The following SEMA3A variants were observed in gnomAD, a reference collection of about 807,000 sequenced individuals.
The protein encoded by SEMA3A is semaphorin 3A, also known as semaphorin-3A.
SEMA3A carries 29 observed loss-of-function variants against 97.9 expected under a neutral mutation model. That is an observed-to-expected ratio of 0.30 (90% CI 0.22 to 0.40). The LOEUF is 0.40. Ranked by LOEUF, SEMA3A falls within the 10% of genes least tolerant of loss-of-function variation. The pLI is 1.00. For missense variants in SEMA3A, 763 were observed against 951.3 expected, an observed-to-expected ratio of 0.80 and a Z score of 2.60; for synonymous variants, 321 against 323.7, an observed-to-expected ratio of 0.99 and a Z score of 0.09.
intron 3 of SEMA3A, among the ~76,000 whole-genome samples, chr7:84,260,849 C>A (rs1345062557): frequency 6.6e-6 from 1 of 152,158 alleles, no homozygotes; most frequent in South Asian, 2.1e-4. Context: ...CAGAAAGGGG[C>A]GTATCCTTGG....
rs560402131 is a variant in SEMA3A, at chr7:83,981,230, T to C, written c.1652+91A>G. 1.3e-4 allele frequency: 181 copies of C among 1,396,750 alleles called. No individual in the cohort carries two copies. In the African/African-American group the frequency reaches 2.4e-3, roughly 18 times the overall value. 86.5% of individuals were successfully genotyped at this position (1,396,750 alleles called of 1,614,324 possible). A position where few individuals can be genotyped will look rare whatever the true frequency, so the allele number is the denominator to read the frequency against. On this transcript the variant is annotated intron_variant, in intron 14 of 16. Coordinates refer to ENST00000265362, the MANE Select transcript of SEMA3A (RefSeq NM_006080.3). The stretch of plus-strand genomic sequence containing the variant: ...AAATCTTTTTATTCATTAGAAAAAG[T>C]TGATGCACTTATTTGAAGAAAGCTA...
At chr7:84,392,248 T>C (rs1803599879) in intron 1 of SEMA3A, among the ~76,000 whole-genome samples, 1 of 152,148 alleles carries the variant, frequency 6.6e-6, no homozygotes, top group South Asian at 2.1e-4. Flanking sequence ...CTCCCTATTA[T>C]TTCCACCCCA....
chr7:84,050,034 G>T (rs377316385), intron 5 of SEMA3A, among the ~76,000 whole-genome samples: 1 of 151,330 alleles, frequency 6.6e-6, no homozygotes, highest in African/African-American at 2.4e-5. Context: ...TCCCTACAAA[G>T]GACATGAACT....
intron 2 of SEMA3A, among the ~76,000 whole-genome samples, chr7:84,368,045 T>C (rs1301612154): frequency 6.6e-6 from 1 of 151,266 alleles, no homozygotes; most frequent in Non-Finnish European, 1.5e-5. Flanking sequence ...GTAACTTGAG[T>C]ATATAAGTGA....
chr7:83,993,525 T>A (rs1347714990), intron 12 of SEMA3A, among the ~76,000 whole-genome samples: 2 of 150,906 alleles, frequency 1.3e-5, no homozygotes, highest in African/African-American at 2.5e-5. Context: ...TGACAAAATC[T>A]CTCAGCATTT....
chr7:83,989,149 G>A (rs796108885), intron 12 of SEMA3A, among the ~76,000 whole-genome samples: 47 of 152,172 alleles, frequency 3.1e-4, no homozygotes, highest in African/African-American at 1.0e-3. Flanking sequence ...ATGACATAAA[G>A]TTTACAATCG....
At chr7:84,045,496 G>C (rs1236672247) in intron 6 of SEMA3A, among the ~76,000 whole-genome samples, 4 of 151,286 alleles carry the variant, frequency 2.6e-5, no homozygotes, top group African/African-American at 9.7e-5. Flanking sequence ...AAAATTTTTG[G>C]TAAATGTGTA....
At chr7:84,159,952 G>A (rs1475079843) in intron 1 of SEMA3A, among the ~76,000 whole-genome samples, 2 of 152,042 alleles carry the variant, frequency 1.3e-5, no homozygotes, top group African/African-American at 4.8e-5. Flanking sequence ...GTGAACAAGA[G>A]TTACACGATG....
chr7:83,986,969 T>C (rs1459812789), intron 12 of SEMA3A, among the ~76,000 whole-genome samples: 2 of 147,216 alleles, frequency 1.4e-5, no homozygotes, highest in Non-Finnish European at 3.0e-5. Context: ...CTCTCTCTCT[T>C]TCACACACAC....
intron 4 of SEMA3A, among the ~76,000 whole-genome samples, chr7:84,067,679 T>C (rs967298292): frequency 1.8e-4 from 28 of 152,196 alleles, no homozygotes; most frequent in Admixed American, 1.5e-3. Flanking sequence ...AAAATGCTCA[T>C]CATCACTGGT....
intron 1 of SEMA3A, among the ~76,000 whole-genome samples, chr7:84,430,253 T>C (rs994987194): frequency 2.0e-5 from 3 of 151,372 alleles, no homozygotes; most frequent in Non-Finnish European, 3.0e-5. Context: ...CCTTTAGTTA[T>C]TGAGAGAATA....
intron 1 of SEMA3A, among the ~76,000 whole-genome samples, chr7:84,483,860 A>C (rs1413905309): frequency 6.6e-6 from 1 of 152,008 alleles, no homozygotes; most frequent in African/African-American, 2.4e-5. Context: ...CCTGGATAAC[A>C]TGGTGAAACT....
intron 1 of SEMA3A, among the ~76,000 whole-genome samples, chr7:84,395,568 G>A (rs1035713490): frequency 5.3e-5 from 8 of 151,258 alleles, no homozygotes; most frequent in Admixed American, 6.6e-5. Flanking sequence ...TCAAGGGGGG[G>A]ACCAGGTGGA....
At chr7:84,028,686 C>T (rs953266287) in intron 6 of SEMA3A, among the ~76,000 whole-genome samples, 5 of 152,294 alleles carry the variant, frequency 3.3e-5, no homozygotes, top group Admixed American at 3.3e-4. Context: ...CTGACTGAAA[C>T]CTCTGCCACC....
chr7:84,028,695 C>T (rs1181101159), intron 6 of SEMA3A, among the ~76,000 whole-genome samples: 3 of 152,178 alleles, frequency 2.0e-5, no homozygotes, highest in Non-Finnish European at 4.4e-5. Context: ...ACCTCTGCCA[C>T]CTGGGTTCAC....
At chr7:84,154,462 G>T (rs770634644) in intron 1 of SEMA3A, among the ~76,000 whole-genome samples, 2 of 151,978 alleles carry the variant, frequency 1.3e-5, no homozygotes, top group Admixed American at 6.6e-5. Flanking sequence ...TGGATCACAA[G>T]GTCAGGAGTT....
chr7:84,429,516 T>TTATATA (rs10523978), intron 1 of SEMA3A, among the ~76,000 whole-genome samples: 905 of 72,310 alleles, frequency 0.013, 33 homozygotes, highest in African/African-American at 0.028. Context: ...ATAGAGTTTG[T>TTATATA]TATATATATA....
At position 83,980,553 on chromosome 7, in the gene SEMA3A, C is replaced by T. The variant is rs190636216; in HGVS notation, c.1652+768G>A. On this transcript the variant is annotated intron_variant, in intron 14 of 16. Transcript: ENST00000265362. Reference sequence around the variant, plus strand: ...CTGGGAGGCAGAGGTTGCAGTGAGCCGAGATTGTGCCACTGCACTCCAGCC... The same window carrying T: ...CTGGGAGGCAGAGGTTGCAGTGAGCTGAGATTGTGCCACTGCACTCCAGCC... Among the ~76,000 whole-genome samples, 724 of 138,896 alleles carry T rather than the reference C, an allele frequency of 5.2e-3. 6 individuals carry two copies. The highest frequency in any genetic ancestry group is 7.5e-3 in the Non-Finnish European group (493 of 65,870). The allele number at this position is 138,896 out of a possible 152,430, so 91.1% of individuals were successfully genotyped here.
chr7:84,213,753 G>T lies in SEMA3A; in HGVS notation c.-82-19085C>A, dbSNP rs113538920. On this transcript the variant is annotated intron_variant, in intron 3 of 3. Coordinates refer to the SEMA3A transcript ENST00000424555. ...TAATTCCAAGAAAATAGATGCAAAAGAATTTAATACTGGCTTAAAAAGCAT... is the reference window on the plus strand; with the variant it reads ...TAATTCCAAGAAAATAGATGCAAAATAATTTAATACTGGCTTAAAAAGCAT... Among the ~76,000 whole-genome samples the T allele has an allele frequency of 2.6e-5, 4 of 152,198 alleles. 1 individual carries two copies. The highest frequency in any genetic ancestry group is 7.2e-5 in the African/African-American group (3 of 41,544).
Sources: gnomAD v4.1 joint callset for allele counts (sites outside exome capture counted in the v4.1 genomes callset) on GRCh38, gnomAD v4.1.1 for gene constraint, MANE v1.5 for transcripts, NCBI Gene and HGNC (gene_info 2026-07-23, HGNC 2026-07-21) for gene names.